The following TAF1B variants were observed in gnomAD, a reference collection of about 807,000 sequenced individuals.
TAF1B encodes TATA box-binding protein-associated factor RNA polymerase I subunit B.
A neutral mutation model predicts 83.9 loss-of-function variants in TAF1B; 61 were observed. That is an observed-to-expected ratio of 0.73 (90% confidence interval 0.59 to 0.90). The LOEUF is 0.90. Among genes scored for constraint, TAF1B ranks in the 40% least tolerant of loss-of-function variants. TAF1B has a pLI of 0.00. For missense variants in TAF1B, 625 were observed against 677.0 expected, an observed-to-expected ratio of 0.92 and a Z score of 0.85; for synonymous variants, 221 against 224.6, an observed-to-expected ratio of 0.98 and a Z score of 0.14.
At position 9,904,804 on chromosome 2, in the gene TAF1B, A is replaced by T. The variant is rs747216112; in HGVS notation, c.808-55A>T. On this transcript the variant is annotated intron_variant, in intron 8 of 14. Transcript: ENST00000263663. ...CCATTCTAAATCAGAACATATTTTT[A>T]AAAATAAGTTTTGTTGCAAAAATTG... 9.8e-4 allele frequency: 1,499 copies of T among 1,525,188 alleles called. 1 individual carries two copies. The highest frequency in any genetic ancestry group is 1.2e-3 in the Non-Finnish European group (1,396 of 1,119,232). The allele number at this position is 1,525,188 out of a possible 1,614,324, so 94.5% of individuals were successfully genotyped here.
At chr2:9,846,765 T>G (rs1422599132) in intron 2 of TAF1B, among the ~76,000 whole-genome samples, 1 of 152,226 alleles carries the variant, frequency 6.6e-6, no homozygotes, top group Non-Finnish European at 1.5e-5. Context: ...AGATATGTGC[T>G]CACTTGATGA....
intron 8 of TAF1B, among the ~76,000 whole-genome samples, chr2:9,888,253 A>G (rs1664739726): frequency 6.6e-6 from 1 of 151,726 alleles, no homozygotes; most frequent in Non-Finnish European, 1.5e-5. Context: ...GAGTATTTCC[A>G]CTTCCCTCCT....
At chr2:9,902,401 A>G (rs761886927) in intron 8 of TAF1B, among the ~76,000 whole-genome samples, 3 of 152,138 alleles carry the variant, frequency 2.0e-5, no homozygotes, top group Non-Finnish European at 2.9e-5. Flanking sequence ...GCTCCCTTCC[A>G]GTCATGTCCT....
At chr2:9,916,454 C>T (rs1185069750) in intron 12 of TAF1B, among the ~76,000 whole-genome samples, 1 of 152,150 alleles carries the variant, frequency 6.6e-6, no homozygotes, top group Non-Finnish European at 1.5e-5. Context: ...ACCCCAAGGG[C>T]ATCATAATGC....
intron 5 of TAF1B, among the ~76,000 whole-genome samples, chr2:9,858,374 G>A (rs1198332516): frequency 6.6e-6 from 1 of 152,210 alleles, no homozygotes; most frequent in Non-Finnish European, 1.5e-5. Context: ...GCAGGGTACA[G>A]CCCCCAAGGC....
At chr2:9,875,117 A>T (rs1303709311) in intron 6 of TAF1B, among the ~76,000 whole-genome samples, 3 of 151,838 alleles carry the variant, frequency 2.0e-5, no homozygotes, top group Non-Finnish European at 2.9e-5. Context: ...GTCCACCACT[A>T]CACCCGGCTA....
In TAF1B at chr2:9,923,873, T is replaced by TC. The variant is rs369914048; in HGVS notation, c.1565+4055dup. ...CCAGTGAAGAGTGCTTGCCCACAAC[T>TC]CCAAGTGAAGACATGGTGTGCCATG... On this transcript the variant is annotated intron_variant, in intron 14 of 14. Coordinates refer to ENST00000263663, the MANE Select transcript of TAF1B (RefSeq NM_005680.3). Among the ~76,000 whole-genome samples, 598 of 152,242 alleles carry TC rather than the reference T, an allele frequency of 3.9e-3. 3 individuals carry two copies. Among genetic ancestry groups the TC allele is most frequent in the African/African-American group, 0.013 (556 of 41,548 alleles).
At chr2:9,882,949 A>T in intron 8 of TAF1B, 144 bp downstream of exon 8, 1 of 557,346 alleles carries the variant, frequency 1.8e-6, no homozygotes, top group East Asian at 3.2e-5. Flanking sequence ...CGAAGAGTAG[A>T]ATTTTATTAT....
At chr2:9,908,913 G>A (rs1416478587) in intron 9 of TAF1B, among the ~76,000 whole-genome samples, 6 of 152,208 alleles carry the variant, frequency 3.9e-5, no homozygotes, top group Non-Finnish European at 1.5e-5. Flanking sequence ...GAAGAGGACT[G>A]TGTCTGTGTC....
intron 9 of TAF1B, among the ~76,000 whole-genome samples, chr2:9,905,403 A>T (rs1361526256): frequency 6.6e-6 from 1 of 152,192 alleles, no homozygotes; most frequent in Non-Finnish European, 1.5e-5. Flanking sequence ...TCTAATTTTT[A>T]AAAAAATCCT....
At chr2:9,875,590 G>A (rs1158586422) in intron 6 of TAF1B, among the ~76,000 whole-genome samples, 1 of 152,046 alleles carries the variant, frequency 6.6e-6, no homozygotes, top group Non-Finnish European at 1.5e-5. Context: ...CGTGTGCAGG[G>A]GAACTACCCT....
chr2:9,884,422 G>A (rs578017194), intron 8 of TAF1B, among the ~76,000 whole-genome samples: 51 of 152,290 alleles, frequency 3.3e-4, no homozygotes, highest in African/African-American at 9.9e-4. Flanking sequence ...CATTCTGTGC[G>A]TCCTGAGTTC....
intron 14 of TAF1B, among the ~76,000 whole-genome samples, chr2:9,931,438 G>T (rs1225722738): frequency 6.6e-6 from 1 of 152,064 alleles, no homozygotes; most frequent in Non-Finnish European, 1.5e-5. Context: ...GCTTAGTTTG[G>T]CTGGATATGA....
intron 14 of TAF1B, among the ~76,000 whole-genome samples, chr2:9,930,065 CTTTTCTTCTT>C (rs1319484650): frequency 6.6e-6 from 1 of 152,076 alleles, no homozygotes; most frequent in East Asian, 1.9e-4. Context: ...TGATTCTTCT[CTTTTCTTCTT>C]TATTAGTCTT....
chr2:9,894,334 A>G (rs1160621617), intron 8 of TAF1B, among the ~76,000 whole-genome samples: 3 of 152,224 alleles, frequency 2.0e-5, no homozygotes, highest in Non-Finnish European at 2.9e-5. Context: ...TATTTATTAT[A>G]CAATATATCA....
At chr2:9,895,722 T>A (rs997270098) in intron 8 of TAF1B, among the ~76,000 whole-genome samples, 1 of 152,166 alleles carries the variant, frequency 6.6e-6, no homozygotes, top group Non-Finnish European at 1.5e-5. Context: ...GATAACAGTT[T>A]GGTTTAACAG....
intron 14 of TAF1B, among the ~76,000 whole-genome samples, chr2:9,921,447 A>T (rs1428955682): frequency 2.6e-5 from 4 of 152,172 alleles, no homozygotes; most frequent in African/African-American, 9.7e-5. Context: ...TGAAGAACAT[A>T]TTACTCCCCA....
rs534816236 is a variant in TAF1B, at chr2:9,861,033, C to T, written c.399+6612C>T. Among the ~76,000 whole-genome samples, 33 of 152,300 alleles carry T rather than the reference C, an allele frequency of 2.2e-4. No individual in the cohort carries two copies. The East Asian group carries it at 4.1e-3, about 19-fold the overall frequency. On this transcript the variant is annotated intron_variant, in intron 5 of 14. Coordinates refer to ENST00000263663, the MANE Select transcript of TAF1B (RefSeq NM_005680.3). ...CTCCCAGCATGAGCAGCGCAGAAGA[C>T]GGGTGATTTCTGCATTTCCAACTAA...
At chr2:9,878,126 T>A (rs1664379893) in intron 7 of TAF1B, among the ~76,000 whole-genome samples, 1 of 152,180 alleles carries the variant, frequency 6.6e-6, no homozygotes, top group Non-Finnish European at 1.5e-5. Context: ...AAATGTGAAT[T>A]CTTAGACCTA....
Sources: allele counts gnomAD v4.1 joint callset (sites outside exome capture counted in the v4.1 genomes callset), GRCh38; gene constraint gnomAD v4.1.1; transcripts MANE v1.5; gene names NCBI Gene and HGNC (gene_info 2026-07-23, HGNC 2026-07-21).